Variants in SERINC5 observed in about 807,000 individuals in gnomAD.
The protein encoded by SERINC5 is chromosome 5 open reading frame 12.
SERINC5 carries 41 observed loss-of-function variants against 63.1 expected under a neutral mutation model. That is an observed-to-expected ratio of 0.65 (90% confidence interval 0.51 to 0.84). The LOEUF (loss-of-function observed/expected upper bound fraction) is 0.84, where lower values mean the gene tolerates loss of function less well. SERINC5 is among the 40% of genes least tolerant of loss of function. The pLI, the probability that SERINC5 is intolerant of heterozygous loss-of-function variation, is 0.00. For missense variants in SERINC5, 523 were observed against 573.0 expected, an observed-to-expected ratio of 0.91 and a Z score of 0.89; for synonymous variants, 222 against 215.2, an observed-to-expected ratio of 1.03 and a Z score of -0.28.
At chr5:80,197,273 G>A (rs532626975) in intron 2 of SERINC5, among the ~76,000 whole-genome samples, 6 of 151,620 alleles carry the variant, frequency 4.0e-5, no homozygotes, top group South Asian at 2.1e-4. Flanking sequence ...GTGCCACTGC[G>A]TTTCAGCCAG....
chr5:80,121,219 C>G (rs1043081757), intron 11 of SERINC5, among the ~76,000 whole-genome samples: 1 of 152,120 alleles, frequency 6.6e-6, no homozygotes, highest in Non-Finnish European at 1.5e-5. Flanking sequence ...TCTGTTTTTC[C>G]AAGAAAGGAG....
intron 2 of SERINC5, among the ~76,000 whole-genome samples, chr5:80,199,714 A>G (rs1297512895): frequency 1.3e-5 from 2 of 152,164 alleles, no homozygotes; most frequent in Non-Finnish European, 2.9e-5. Flanking sequence ...GTGGGATACT[A>G]TCTATTTGTT....
intron 7 of SERINC5, among the ~76,000 whole-genome samples, chr5:80,163,572 C>T (rs749281971): frequency 2.5e-4 from 38 of 150,856 alleles, no homozygotes; most frequent in Non-Finnish European, 5.2e-4. Context: ...TGAAAAGATG[C>T]TGAATTTTAA....
intron 6 of SERINC5, among the ~76,000 whole-genome samples, chr5:80,167,690 G>A (rs1467915593): frequency 6.6e-6 from 1 of 152,146 alleles, no homozygotes. Flanking sequence ...CACCAACAGT[G>A]TATAAGTGTT....
At chr5:80,236,779 C>T (rs933164225) in intron 1 of SERINC5, among the ~76,000 whole-genome samples, 1 of 151,380 alleles carries the variant, frequency 6.6e-6, no homozygotes, top group Non-Finnish European at 1.5e-5. Context: ...CACCCGCCTC[C>T]GCCTCTCAAA....
At chr5:80,148,178 T>G (rs1745940264) in intron 9 of SERINC5, among the ~76,000 whole-genome samples, 1 of 141,590 alleles carries the variant, frequency 7.1e-6, no homozygotes, top group Admixed American at 7.2e-5. Flanking sequence ...GTACCTTGCG[T>G]ATTTTTTATT....
At chr5:80,205,993 A>AAAC (rs1466953175) in intron 1 of SERINC5, among the ~76,000 whole-genome samples, 1 of 151,440 alleles carries the variant, frequency 6.6e-6, no homozygotes, top group Non-Finnish European at 1.5e-5. Context: ...AAAAAAAAAA[A>AAAC]AACCTCAAGA....
At chr5:80,132,150 G>A (rs969848348) in intron 11 of SERINC5, among the ~76,000 whole-genome samples, 2 of 152,126 alleles carry the variant, frequency 1.3e-5, no homozygotes, top group Non-Finnish European at 2.9e-5. Context: ...CCCAAACCAT[G>A]AGCAAATAAT....
At chr5:80,145,167 C>T (rs980006580) in intron 11 of SERINC5, among the ~76,000 whole-genome samples, 7 of 151,576 alleles carry the variant, frequency 4.6e-5, no homozygotes, top group East Asian at 1.9e-4. Flanking sequence ...GGTGAAACTC[C>T]GTCTCTACTA....
intron 4 of SERINC5, among the ~76,000 whole-genome samples, chr5:80,176,950 A>T (rs888179319): frequency 6.6e-6 from 1 of 152,256 alleles, no homozygotes; most frequent in East Asian, 1.9e-4. Flanking sequence ...GGTAAGTTTA[A>T]TAACAGACTG....
At chr5:80,158,631 A>G (rs1036975181) in intron 8 of SERINC5, 14 of 541,456 alleles carry the variant, frequency 2.6e-5, no homozygotes, top group Admixed American at 2.2e-4. Flanking sequence ...TTTACATACC[A>G]TATATTTGCT....
chr5:80,222,419 G>C (rs761386708), intron 1 of SERINC5, among the ~76,000 whole-genome samples: 2 of 152,088 alleles, frequency 1.3e-5, no homozygotes, highest in Admixed American at 1.3e-4. Flanking sequence ...AAGGAGACTC[G>C]AGAAATGTGA....
At chr5:80,148,472 G>A (rs1384666776) in intron 9 of SERINC5, among the ~76,000 whole-genome samples, 5 of 151,938 alleles carry the variant, frequency 3.3e-5, no homozygotes, top group Admixed American at 3.3e-4. Flanking sequence ...TTACAGCCGT[G>A]AGCCACTGCA....
chr5:80,174,094 G>A (rs182626446), intron 5 of SERINC5, among the ~76,000 whole-genome samples: 18 of 152,078 alleles, frequency 1.2e-4, no homozygotes, highest in Non-Finnish European at 2.2e-4. Context: ...CACTGAAGCC[G>A]AACACAATGT....
chr5:80,238,938 G>A (rs902137265), intron 1 of SERINC5, among the ~76,000 whole-genome samples: 3 of 152,046 alleles, frequency 2.0e-5, no homozygotes, highest in Non-Finnish European at 1.5e-5. Context: ...ACTCATTCAC[G>A]CTCTCGTCAT....
chr5:80,148,403 TGGTCTCGAACTCCAGGCCTCA>T (rs1224145132), intron 9 of SERINC5, among the ~76,000 whole-genome samples: 5 of 151,930 alleles, frequency 3.3e-5, no homozygotes, highest in African/African-American at 1.2e-4. Context: ...TTGGTCAGGC[TGGTCTCGAACTCCAGGCCTCA>T]GGTGATCCAC....
intron 5 of SERINC5, among the ~76,000 whole-genome samples, chr5:80,173,832 T>C (rs546902883): frequency 3.7e-4 from 56 of 152,206 alleles, no homozygotes; most frequent in African/African-American, 1.3e-3. Context: ...AAACAGATTA[T>C]ATTCCTCCCT....
At chr5:80,131,643 AG>A (rs1429925151) in intron 11 of SERINC5, among the ~76,000 whole-genome samples, 1 of 152,180 alleles carries the variant, frequency 6.6e-6, no homozygotes, top group Non-Finnish European at 1.5e-5. Flanking sequence ...TGGGTCATGC[AG>A]GGTTTTGTAG....
downstream of SERINC5, among the ~76,000 whole-genome samples, chr5:80,135,234 A>C (rs996782284): frequency 6.6e-6 from 1 of 152,122 alleles, no homozygotes; most frequent in African/African-American, 2.4e-5. Context: ...GGGTTTCACC[A>C]TATTGCCCAG....
Sources: allele counts gnomAD v4.1 joint callset (sites outside exome capture counted in the v4.1 genomes callset), GRCh38; gene constraint gnomAD v4.1.1; transcripts MANE v1.5; gene names NCBI Gene and HGNC (gene_info 2026-07-23, HGNC 2026-07-21).